Variants in GLIS3 observed in about 807,000 individuals in gnomAD.
The protein encoded by GLIS3 is GLIS family zinc finger 3.
GLIS3 carries 53 observed loss-of-function variants against 78.6 expected under a neutral mutation model. That is an observed-to-expected ratio of 0.67 (90% CI 0.54 to 0.85). The LOEUF (loss-of-function observed/expected upper bound fraction) is 0.85, where lower values mean the gene tolerates loss of function less well. Among genes scored for constraint, GLIS3 ranks in the 40% least tolerant of loss-of-function variants. The pLI is 0.00. For synonymous variants in GLIS3, 684 were observed against 509.9 expected, an observed-to-expected ratio of 1.34 and a Z score of -4.60; for missense variants, 1,703 against 1,231.1, an observed-to-expected ratio of 1.38 and a Z score of -5.74.
chr9:4,334,891 A>C (rs149188348), intron 2 of GLIS3, among the ~76,000 whole-genome samples: 2 of 150,408 alleles, frequency 1.3e-5, no homozygotes, highest in South Asian at 2.1e-4. Flanking sequence ...CTCAGAAGAG[A>C]AATCATTTCC....
At chr9:4,267,295 T>C (rs1184391279) in intron 2 of GLIS3, among the ~76,000 whole-genome samples, 1 of 152,164 alleles carries the variant, frequency 6.6e-6, no homozygotes, top group Non-Finnish European at 1.5e-5. Context: ...AAGATGAGTT[T>C]ATAGATAGAT....
chr9:4,423,335 T>G, the GLIS3 span, among the ~76,000 whole-genome samples: 1 of 152,010 alleles, frequency 6.6e-6, no homozygotes, highest in East Asian at 1.9e-4. Flanking sequence ...TCCCTCTGAG[T>G]TGCATCTTAG....
At chr9:4,099,268 G>A (rs1305344354) in intron 4 of GLIS3, among the ~76,000 whole-genome samples, 1 of 152,198 alleles carries the variant, frequency 6.6e-6, no homozygotes, top group South Asian at 2.1e-4. Flanking sequence ...AGGTCTGGAG[G>A]CTCAAAGTCT....
At chr9:4,145,956 G>C (rs544605802) in intron 2 of GLIS3, among the ~76,000 whole-genome samples, 1 of 152,094 alleles carries the variant, frequency 6.6e-6, no homozygotes. Context: ...TGACAAAAAA[G>C]TACAAATCTG....
rs141412126 is a variant in GLIS3, at chr9:4,159,030, G to GAAAAAA, written c.389-33090_389-33089insTTTTTT. 4.2e-4 allele frequency among the ~76,000 whole-genome samples: 33 copies of GAAAAAA among 79,094 alleles called. 10 individuals carry two copies. Among genetic ancestry groups the GAAAAAA allele is most frequent in the Admixed American group, 5.7e-4 (4 of 7,000 alleles). 51.9% of individuals were successfully genotyped at this position (79,094 alleles called of 152,430 possible). A position where few individuals can be genotyped will look rare whatever the true frequency, so the allele number is the denominator to read the frequency against. On this transcript the variant is annotated intron_variant, in intron 2 of 10. Coordinates refer to ENST00000381971, the MANE Select transcript of GLIS3 (RefSeq NM_001042413.2). ...GCTTGGTATGCTAGAGAAAGGAGAA[G>GAAAAAA]AAGAAAAAAAAAAAAAAAAGCCAGG...
intron 2 of GLIS3, among the ~76,000 whole-genome samples, chr9:4,172,611 T>G (rs543522553): frequency 6.6e-6 from 1 of 152,178 alleles, no homozygotes; most frequent in Non-Finnish European, 1.5e-5. Flanking sequence ...GAATGATAAA[T>G]GAATAAATGA....
At chr9:3,927,887 T>C (rs1825358966) in intron 6 of GLIS3, among the ~76,000 whole-genome samples, 1 of 152,258 alleles carries the variant, frequency 6.6e-6, no homozygotes, top group Admixed American at 6.5e-5. Context: ...AGATGGCTTA[T>C]TTTTTCATTT....
chr9:4,316,795 T>A (rs1450639960), intron 2 of GLIS3, among the ~76,000 whole-genome samples: 1 of 152,252 alleles, frequency 6.6e-6, no homozygotes, highest in South Asian at 2.1e-4. Flanking sequence ...TAGTTATTTT[T>A]ATTAATCTTT....
chr9:4,097,298 G>A (rs746569900), intron 4 of GLIS3, among the ~76,000 whole-genome samples: 2 of 152,030 alleles, frequency 1.3e-5, no homozygotes, highest in Non-Finnish European at 2.9e-5. Flanking sequence ...AAAAAAGTAT[G>A]AGTGAGTCTC....
In GLIS3 at chr9:4,269,784, TA is replaced by T. The variant is rs1222745020; in HGVS notation, c.388+16253del. ...TTTTGTCTGAGAATAATAAAGAGGG[TA>T]AAAAAATAGTGTTGTGAAGCACAGG... On this transcript the variant is annotated intron_variant, in intron 2 of 10. Coordinates refer to ENST00000381971, the MANE Select transcript of GLIS3 (RefSeq NM_001042413.2). Among the ~76,000 whole-genome samples, 4 of 152,006 alleles carry T rather than the reference TA, an allele frequency of 2.6e-5. No homozygotes were observed. In the East Asian group the frequency reaches 5.8e-4, roughly 22 times the overall value.
intron 2 of GLIS3, among the ~76,000 whole-genome samples, chr9:4,339,663 G>A (rs887696533): frequency 1.4e-5 from 2 of 147,696 alleles, no homozygotes; most frequent in Non-Finnish European, 3.0e-5. Flanking sequence ...AGTTTCCCAA[G>A]CAAGGGTGGA....
At chr9:4,015,888 CAAAAAAAAAAAAA>C (rs1049791263) in intron 4 of GLIS3, among the ~76,000 whole-genome samples, 2 of 32,256 alleles carry the variant, frequency 6.2e-5, no homozygotes. Flanking sequence ...GACTCTGTCT[CAAAAAAAAAAAAA>C]AAAAAAAAAA....
At chr9:3,928,386 C>T (rs1475757136) in intron 6 of GLIS3, among the ~76,000 whole-genome samples, 1 of 152,214 alleles carries the variant, frequency 6.6e-6, no homozygotes, top group African/African-American at 2.4e-5. Context: ...CCGTCTAGAC[C>T]ATGACTGAAA....
At chr9:4,364,754 TGC>T in the GLIS3 span, among the ~76,000 whole-genome samples, 243 of 122,412 alleles carry the variant, frequency 2.0e-3, 2 homozygotes, top group African/African-American at 6.7e-3. Flanking sequence ...CATCATGTAT[TGC>T]TTTTTTTTTT....
chr9:4,228,064 C>G (rs778187625), intron 2 of GLIS3, among the ~76,000 whole-genome samples: 4 of 152,022 alleles, frequency 2.6e-5, no homozygotes, highest in Non-Finnish European at 5.9e-5. Context: ...CTTATAAGAA[C>G]AAAAGGGAAG....
At chr9:4,109,010 T>C (rs1830996646) in intron 4 of GLIS3, among the ~76,000 whole-genome samples, 1 of 152,072 alleles carries the variant, frequency 6.6e-6, no homozygotes, top group Non-Finnish European at 1.5e-5. Flanking sequence ...TAGAGAGACA[T>C]GGGGTTCTAT....
chr9:4,236,493 GT>G (rs1252475222), intron 2 of GLIS3, among the ~76,000 whole-genome samples: 1 of 152,134 alleles, frequency 6.6e-6, no homozygotes, highest in African/African-American at 2.4e-5. Flanking sequence ...AAGTTAAACA[GT>G]TTTTTTGTTA....
chr9:4,216,078 G>A (rs2131314060), intron 2 of GLIS3, among the ~76,000 whole-genome samples: 1 of 152,140 alleles, frequency 6.6e-6, no homozygotes, highest in Middle Eastern at 3.4e-3. Context: ...TATACTCAGA[G>A]AAGATTGTTT....
At chr9:4,041,208 T>C (rs1824785442) in intron 4 of GLIS3, among the ~76,000 whole-genome samples, 1 of 152,200 alleles carries the variant, frequency 6.6e-6, no homozygotes, top group African/African-American at 2.4e-5. Context: ...GGGGGATGTC[T>C]AGCAATGACT....
Sources: gnomAD v4.1 joint callset for allele counts (sites outside exome capture counted in the v4.1 genomes callset) on GRCh38, gnomAD v4.1.1 for gene constraint, MANE v1.5 for transcripts, NCBI Gene and HGNC (gene_info 2026-07-23, HGNC 2026-07-21) for gene names.